Variants in BTNL8 observed in about 807,000 individuals in gnomAD.
The protein encoded by BTNL8 is butyrophilin-like protein 8.
BTNL8 carries 22 observed loss-of-function variants against 36.1 expected under a neutral mutation model. The observed-to-expected ratio is 0.61, with a 90% confidence interval of 0.44 to 0.87. The LOEUF (loss-of-function observed/expected upper bound fraction) is 0.87, where lower values mean the gene tolerates loss of function less well. Among genes scored for constraint, BTNL8 ranks in the 40% least tolerant of loss-of-function variants. BTNL8 has a pLI of 0.00. For missense variants in BTNL8, 526 were observed against 616.9 expected (o/e 0.85, Z 1.56); for synonymous variants, 203 against 235.6 (o/e 0.86, Z 1.27).
chr5:180,914,187 C>A (rs1757523884), intron 3 of BTNL8, among the ~76,000 whole-genome samples: 1 of 152,240 alleles, frequency 6.6e-6, no homozygotes, highest in African/African-American at 2.4e-5. Flanking sequence ...GAGGACTATG[C>A]CCATATGAAT....
intron 3 of BTNL8, among the ~76,000 whole-genome samples, chr5:180,943,151 T>G (rs1033012904): frequency 6.7e-6 from 1 of 149,896 alleles, no homozygotes; most frequent in Admixed American, 6.6e-5. Context: ...TTTTTTTTTT[T>G]TGAGGCAGAG....
At position 180,902,267 on chromosome 5, in the gene BTNL8, CAGAA is replaced by C; in HGVS notation, c.49+2912_49+2915del. On this transcript the variant is annotated intron_variant, in intron 1 of 7. Transcript: ENST00000340184. ...CTCCTGGAATCAAAGGGTCTACATT[CAGAA>C]AGAGACTTTTTCCTCTGGATAACAT... 5 of 1,335,808 alleles carry C rather than the reference CAGAA, an allele frequency of 3.7e-6. No homozygotes were observed. The South Asian group carries it at 5.2e-5, about 14-fold the overall frequency. The allele number at this position is 1,335,808 out of a possible 1,614,324, so 82.7% of individuals were successfully genotyped here.
In BTNL8 at chr5:180,908,598, T is replaced by G. The variant is rs201214790; in HGVS notation, c.62T>G (p.Val21Gly). 6.8e-4 allele frequency: 1,102 copies of G among 1,611,380 alleles called. 3 individuals are homozygous for G. The highest frequency in any genetic ancestry group is 1.5e-3 in the East Asian group (66 of 44,684). Residue 21 changes from valine to glycine, a missense_variant, in exon 2 of 8, where the codon GTG (valine) becomes GGG (glycine). Coordinates refer to ENST00000340184, the MANE Select transcript of BTNL8 (RefSeq NM_001040462.3). ...LLKLGSGQWQ[V>G]FGPDKPVQAL... is the part of the protein sequence containing the mutation. ...TGTCTTCCCACAGGGCAGTGGCAGG[T>G]GTTTGGGCCAGACAAGCCTGTCCAG...
Position 180,949,229 on chromosome 5 carries a change from T to C in BTNL8, c.836-10T>C, listed in dbSNP as rs1759428696. ...GCACTGAACTGCCTGCTCTGTCTGC[T>C]TGCTTTCAGAATTGAGAGACGCCCG... On this transcript the variant is annotated splice_polypyrimidine_tract_variant and intron_variant, in intron 6 of 7. Coordinates refer to ENST00000340184, the MANE Select transcript of BTNL8 (RefSeq NM_001040462.3). The C allele has an allele frequency of 2.7e-6, 4 of 1,457,336 alleles. No individual in the cohort carries two copies. Among genetic ancestry groups the C allele is most frequent in the Non-Finnish European group, 3.8e-6 (4 of 1,057,252 alleles). The allele number at this position is 1,457,336 out of a possible 1,614,324, so 90.3% of individuals were successfully genotyped here.
chr5:180,908,370 C>T (rs1279256940), intron 1 of BTNL8, among the ~76,000 whole-genome samples: 5 of 152,182 alleles, frequency 3.3e-5, no homozygotes, highest in South Asian at 2.1e-4. Flanking sequence ...TGCTTCGGCT[C>T]GTGCACGGTG....
chr5:180,908,400 G>A lies in BTNL8; in HGVS notation c.50-186G>A, dbSNP rs549575626. Among the ~76,000 whole-genome samples the A allele has an allele frequency of 4.1e-3, 624 of 152,182 alleles. 3 individuals are homozygous for A. The highest frequency in any genetic ancestry group is 0.014 in the African/African-American group (580 of 41,536). On this transcript the variant is annotated intron_variant, in intron 1 of 7. Transcript: ENST00000340184. ...ACGGTGCGCGCACCCACTGACCTGCGCCCACTGTCTGGCACTCCCTAGTGA... is the reference window on the plus strand; with the variant it reads ...ACGGTGCGCGCACCCACTGACCTGCACCCACTGTCTGGCACTCCCTAGTGA...
At chr5:180,947,836 G>A (rs1050726694) in intron 4 of BTNL8, 30 of 1,498,334 alleles carry the variant, frequency 2.0e-5, no homozygotes, top group African/African-American at 9.8e-5. Context: ...ACTTCATTTA[G>A]GTCAAATAAT....
Position 180,908,736 on chromosome 5 carries a change from A to G in BTNL8, c.200A>G (p.Tyr67Cys). The change falls in exon 2 of 8, where the codon TAC becomes TGC. Residue 67 changes from tyrosine to cysteine, a missense_variant. Tyr to Cys is a radical substitution (Grantham distance 194, BLOSUM62 -2). Transcript: ENST00000340184. ...RGQFSSVVHL[Y>C]RDGKDQPFMQ... ...CAGTTCTCTAGCGTGGTCCACCTCT[A>G]CAGGGACGGGAAGGACCAGCCATTT... 2.5e-6 allele frequency: 4 copies of G among 1,614,176 alleles called. No homozygotes were observed. The highest frequency in any genetic ancestry group is 3.4e-6 in the Non-Finnish European group (4 of 1,180,042).
In BTNL8 at chr5:180,914,777, T is replaced by G. The variant is rs138137950; in HGVS notation, c.673+3163T>G. On this transcript the variant is annotated intron_variant, in intron 3 of 7. Transcript: ENST00000340184. ...CAACTACCATGAACAAAAGTATTTTTGTAGGAGTCTAGGAAGCCACTTGAG... is the reference window on the plus strand; with the variant it reads ...CAACTACCATGAACAAAAGTATTTTGGTAGGAGTCTAGGAAGCCACTTGAG... Among the ~76,000 whole-genome samples the G allele has an allele frequency of 3.6e-3, 546 of 152,336 alleles. 4 individuals are homozygous for G. Among genetic ancestry groups the G allele is most frequent in the African/African-American group, 0.013 (524 of 41,570 alleles).
chr5:180,950,554 C>T lies in BTNL8; in HGVS notation c.*10C>T, dbSNP rs748218777. 6.8e-7 allele frequency: 1 copy of T among 1,460,310 alleles called. No individual in the cohort carries two copies. The highest frequency in any genetic ancestry group is 1.1e-5 in the South Asian group (1 of 89,276). 90.5% of individuals were successfully genotyped at this position (1,460,310 alleles called of 1,614,324 possible). On this transcript the variant is annotated 3_prime_UTR_variant, in exon 8 of 8. Transcript: ENST00000340184. ...CAGGGGTGAAATGTAGGATGAATCACATCCCACATTCTTCTTTAGGGATAT... is the reference window on the plus strand; with the variant it reads ...CAGGGGTGAAATGTAGGATGAATCATATCCCACATTCTTCTTTAGGGATAT...
intron 3 of BTNL8, among the ~76,000 whole-genome samples, chr5:180,918,246 G>T (rs1234214358): frequency 6.6e-6 from 1 of 151,834 alleles, no homozygotes; most frequent in Non-Finnish European, 1.5e-5. Context: ...ACAAATATTA[G>T]CCAACCAAAT....
At chr5:180,911,811 C>G (rs993708764) in intron 3 of BTNL8, among the ~76,000 whole-genome samples, 197 bp downstream of exon 3, 1 of 152,058 alleles carries the variant, frequency 6.6e-6, no homozygotes, top group South Asian at 2.1e-4. Context: ...GTTTACAATT[C>G]CAGGGGAGTA....
intron 1 of BTNL8, among the ~76,000 whole-genome samples, chr5:180,908,105 C>T (rs1757185480): frequency 6.6e-6 from 1 of 152,244 alleles, no homozygotes; most frequent in African/African-American, 2.4e-5. Flanking sequence ...CGCCCCTCCC[C>T]CAGCCTCGCT....
intron 1 of BTNL8, among the ~76,000 whole-genome samples, chr5:180,907,522 T>G (rs1343633711): frequency 6.7e-6 from 1 of 148,642 alleles, no homozygotes; most frequent in Admixed American, 6.6e-5. Flanking sequence ...TTCTCTCAGC[T>G]CGTCAAAGTC....
chr5:180,910,541 A>G (rs2892329), intron 2 of BTNL8, among the ~76,000 whole-genome samples: 68,224 of 151,704 alleles, frequency 0.45, 16,412 homozygotes, highest in African/African-American at 0.63. Flanking sequence ...GCTCCATTCT[A>G]TAAAATCCCT....
rs562657880 is a variant in BTNL8 at position 180,948,270 on chromosome 5, C to T, written c.788-85C>T. The T allele has an allele frequency of 1.2e-5, 18 of 1,458,434 alleles. 2 individuals are homozygous for T. The highest frequency in any genetic ancestry group is 9.0e-5 in the South Asian group (8 of 88,464). The allele number at this position is 1,458,434 out of a possible 1,614,324, so 90.3% of individuals were successfully genotyped here. ...GGCCCTGCCCTTCACACCTGCAGCT[C>T]GTCCCACCTGTGCAAGGAGCCAGCG... On this transcript the variant is annotated intron_variant, in intron 4 of 7. Transcript: ENST00000340184.
chr5:180,938,535 CCTTT>C (rs200066681), intron 3 of BTNL8, among the ~76,000 whole-genome samples: 1,530 of 146,420 alleles, frequency 0.01, 24 homozygotes, highest in African/African-American at 0.037. Flanking sequence ...TTCCTTCCTT[CCTTT>C]CTTTCTTTTT....
chr5:180,922,402 C>T (rs1279092129), intron 3 of BTNL8, among the ~76,000 whole-genome samples: 1 of 151,704 alleles, frequency 6.6e-6, no homozygotes, highest in Non-Finnish European at 1.5e-5. Context: ...TCTTTTTTCT[C>T]ATTAGTTTCA....
Position 180,915,964 on chromosome 5 carries a change from T to G in BTNL8, c.673+4350T>G, listed in dbSNP as rs1757608251. Among the ~76,000 whole-genome samples, 3 of 152,234 alleles carry G rather than the reference T, an allele frequency of 2.0e-5. No individual in the cohort carries two copies. In the South Asian group the frequency reaches 6.2e-4, roughly 31 times the overall value. On this transcript the variant is annotated intron_variant, in intron 3 of 7. Transcript: ENST00000340184. Reference sequence around the variant, plus strand: ...GTTGTCTTAGTCCACTTTATGCTGCTGTACCAGAATACCTGAGATTGGGTA... The same window carrying G: ...GTTGTCTTAGTCCACTTTATGCTGCGGTACCAGAATACCTGAGATTGGGTA...
Sources: gnomAD v4.1 joint callset for allele counts (sites outside exome capture counted in the v4.1 genomes callset) on GRCh38, gnomAD v4.1.1 for gene constraint, MANE v1.5 for transcripts, NCBI Gene and HGNC (gene_info 2026-07-23, HGNC 2026-07-21) for gene names.